The following ASB2 variants were observed in gnomAD, a reference collection of about 807,000 sequenced individuals.
ASB2 encodes the protein ankyrin repeat and SOCS box protein 2.
Under a neutral mutation model 62.4 loss-of-function variants are expected in ASB2, and 58 were observed. The ratio of observed to expected loss-of-function variants is 0.93; its 90% confidence interval spans 0.75 to 1.16. The LOEUF (loss-of-function observed/expected upper bound fraction) is 1.16. Among genes scored for constraint, ASB2 ranks in the 50% most tolerant of loss-of-function variants. The pLI is 0.00. For synonymous variants in ASB2, 386 were observed against 385.3 expected (o/e 1.00, Z -0.02); for missense variants, 928 against 887.9 (o/e 1.05, Z -0.57).
chr14:93,966,290 G>A (rs72631628), intron 1 of ASB2, among the ~76,000 whole-genome samples: 8,784 of 152,312 alleles, frequency 0.058, 997 homozygotes, highest in East Asian at 0.53. Flanking sequence ...AGTCATGACT[G>A]CTTCAAGCCA....
At chr14:93,935,678 G>C (rs925463189) in intron 9 of ASB2, among the ~76,000 whole-genome samples, 2 of 152,216 alleles carry the variant, frequency 1.3e-5, no homozygotes, top group Non-Finnish European at 2.9e-5. Context: ...CCTGGGGCTG[G>C]AGGGGCAGGT....
intron 1 of ASB2, among the ~76,000 whole-genome samples, chr14:93,970,591 C>A (rs139993594): frequency 2.9e-3 from 441 of 152,174 alleles, no homozygotes; most frequent in African/African-American, 0.01. Flanking sequence ...AGGAACTAAC[C>A]CAAAGTCAGG....
At chr14:93,957,921 G>A (rs369900669) in intron 2 of ASB2, among the ~76,000 whole-genome samples, 2 of 152,116 alleles carry the variant, frequency 1.3e-5, no homozygotes, top group African/African-American at 2.4e-5. Context: ...GGGGGGGATT[G>A]GGGAGGACTC....
chr14:93,962,914 C>T (rs10143401), intron 2 of ASB2, among the ~76,000 whole-genome samples: 67,894 of 152,126 alleles, frequency 0.45, 16,341 homozygotes, highest in East Asian at 0.97. Flanking sequence ...AAGATGAACC[C>T]AGTCCTTGGC....
At chr14:93,971,261 T>C (rs1172113830) in intron 1 of ASB2, among the ~76,000 whole-genome samples, 2 of 152,042 alleles carry the variant, frequency 1.3e-5, no homozygotes, top group African/African-American at 4.8e-5. Flanking sequence ...ATCATGGGGC[T>C]GGAGCTTGGG....
chr14:93,953,940 C>G (rs1233669111), intron 4 of ASB2, among the ~76,000 whole-genome samples: 2 of 152,210 alleles, frequency 1.3e-5, no homozygotes, highest in African/African-American at 4.8e-5. Flanking sequence ...GGAGGCACGG[C>G]TGTCCCGCGG....
chr14:93,958,607 G>A (rs1889307538), intron 2 of ASB2, among the ~76,000 whole-genome samples: 1 of 152,224 alleles, frequency 6.6e-6, no homozygotes, highest in Non-Finnish European at 1.5e-5. Context: ...GCTGTGGAGA[G>A]ATTCAGTGTC....
rs1265901210 is a variant in ASB2 at position 93,964,592 on chromosome 14, G to A, written c.-53C>T. The stretch of plus-strand genomic sequence containing the variant: ...AGAACAGACACCCAGTGGGGAGGAG[G>A]GAACAGCAAATCAGAAAACCCTGTG... On this transcript the variant is annotated 5_prime_UTR_variant, in exon 2 of 10. Coordinates refer to ENST00000555019, the MANE Select transcript of ASB2 (RefSeq NM_001202429.2). 1 of 1,502,196 alleles carries A rather than the reference G, an allele frequency of 6.7e-7. No homozygotes were observed. Among genetic ancestry groups the A allele is most frequent in the Non-Finnish European group, 9.0e-7 (1 of 1,116,732 alleles). 93.1% of individuals were successfully genotyped at this position (1,502,196 alleles called of 1,614,324 possible).
At chr14:93,942,381 C>T (rs1888560484) in intron 7 of ASB2, 3 of 435,468 alleles carry the variant, frequency 6.9e-6, no homozygotes, top group Non-Finnish European at 1.4e-5. Flanking sequence ...GGCCCTGAGA[C>T]CGGAGCAGAT....
chr14:93,935,498 C>G (rs1459237810), intron 9 of ASB2, among the ~76,000 whole-genome samples: 2 of 152,322 alleles, frequency 1.3e-5, no homozygotes, highest in African/African-American at 4.8e-5. Flanking sequence ...TGTGCTTGGG[C>G]CAGATATGCA....
At chr14:93,957,030 G>A in intron 2 of ASB2, 160 bp from the exon 3 acceptor site, 14 of 1,509,084 alleles carry the variant, frequency 9.3e-6, no homozygotes, top group Non-Finnish European at 1.2e-5. Flanking sequence ...TCCTCTGTGT[G>A]CTGGACACAG....
chr14:93,952,726 C>T (rs915160452), intron 5 of ASB2, among the ~76,000 whole-genome samples: 2 of 152,210 alleles, frequency 1.3e-5, no homozygotes, highest in Non-Finnish European at 2.9e-5. Flanking sequence ...GCAGTGCCTA[C>T]TTCATGTGCA....
At chr14:93,956,388 T>C (rs775309221) in intron 3 of ASB2, among the ~76,000 whole-genome samples, 4 of 152,160 alleles carry the variant, frequency 2.6e-5, no homozygotes, top group Non-Finnish European at 4.4e-5. Context: ...AGCCAACTCA[T>C]CAAGTTCAAC....
At chr14:93,937,947 T>C in intron 8 of ASB2, 96 bp from the exon 9 acceptor site, 1 of 1,285,186 alleles carries the variant, frequency 7.8e-7, no homozygotes, top group South Asian at 1.5e-5. Context: ...GCACAGACAC[T>C]GTGCACACCC....
intron 9 of ASB2, 64 bp from the exon 10 acceptor site, chr14:93,934,856 T>G: frequency 1.4e-6 from 2 of 1,417,896 alleles, no homozygotes; most frequent in Non-Finnish European, 2.0e-6. Flanking sequence ...GGATTGCATC[T>G]GTGACCCCAG....
intron 1 of ASB2, among the ~76,000 whole-genome samples, chr14:93,974,696 C>T (rs1276911804): frequency 3.3e-5 from 5 of 152,200 alleles, no homozygotes; most frequent in South Asian, 2.1e-4. Flanking sequence ...CACTTGCAGC[C>T]GTCCAGCCTT....
chr14:93,949,820 C>T (rs1888884827), intron 6 of ASB2, among the ~76,000 whole-genome samples: 1 of 152,180 alleles, frequency 6.6e-6, no homozygotes, highest in East Asian at 1.9e-4. Flanking sequence ...CCGGCCTGGG[C>T]TCCCAGGACC....
At chr14:93,942,161 C>A (rs748425714) in intron 7 of ASB2, 1 of 455,638 alleles carries the variant, frequency 2.2e-6, no homozygotes, top group Admixed American at 2.3e-5. Flanking sequence ...AAGGGGGTGA[C>A]CCCACCAAAC....
chr14:93,955,383 TG>T, intron 3 of ASB2: 2 of 337,718 alleles, frequency 5.9e-6, no homozygotes, highest in South Asian at 4.7e-5. Context: ...AGAGCACAGA[TG>T]CCGGTGAAGC....
Sources: allele counts gnomAD v4.1 joint callset (sites outside exome capture counted in the v4.1 genomes callset), GRCh38; gene constraint gnomAD v4.1.1; transcripts MANE v1.5; gene names NCBI Gene and HGNC (gene_info 2026-07-23, HGNC 2026-07-21).